CYP7B1: variants seen among roughly 807,000 people sequenced by gnomAD.
CYP7B1 encodes the protein cytochrome P450 7B1.
CYP7B1 carries 29 observed loss-of-function variants against 42.7 expected under a neutral mutation model. The ratio of observed to expected loss-of-function variants is 0.68; its 90% CI spans 0.51 to 0.93. The LOEUF (loss-of-function observed/expected upper bound fraction) is 0.93. Ranked by LOEUF, CYP7B1 falls within the 40% of genes least tolerant of loss-of-function variation. The pLI is 0.00. For synonymous variants in CYP7B1, 235 were observed against 218.2 expected, an observed-to-expected ratio of 1.08 and a Z score of -0.68; for missense variants, 655 against 600.5, an observed-to-expected ratio of 1.09 and a Z score of -0.95.
At chr8:64,673,001 G>C (rs1168840397) in intron 1 of CYP7B1, among the ~76,000 whole-genome samples, 1 of 152,034 alleles carries the variant, frequency 6.6e-6, no homozygotes, top group African/African-American at 2.4e-5. Flanking sequence ...GAATAGAGTA[G>C]TCATGTTCAA....
chr8:64,603,825 C>T (rs530116694), intron 5 of CYP7B1, among the ~76,000 whole-genome samples: 2 of 152,270 alleles, frequency 1.3e-5, no homozygotes, highest in South Asian at 2.1e-4. Flanking sequence ...TCAACAATAT[C>T]GTAATCCAGC....
chr8:64,691,491 G>GT (rs1554532300), intron 1 of CYP7B1, among the ~76,000 whole-genome samples: 1 of 148,634 alleles, frequency 6.7e-6, no homozygotes, highest in Non-Finnish European at 1.5e-5. Flanking sequence ...CTGGGGGGGG[G>GT]GGGTGGTGGT....
At position 64,596,609 on chromosome 8, in the gene CYP7B1, T is replaced by C; in HGVS notation, c.*33A>G. The C allele has an allele frequency of 2.5e-6, 4 of 1,576,836 alleles. No individual in the cohort carries two copies. The highest frequency in any genetic ancestry group is 2.6e-6 in the Non-Finnish European group (3 of 1,153,210). ...TGAGCTTAGGATGTTTAGGGTAATT[T>C]TGATAGATTTATTTTCTTTCCTTTT... On this transcript the variant is annotated 3_prime_UTR_variant, in exon 6 of 6. Transcript: ENST00000310193.
At chr8:64,681,189 C>T (rs1806531424) in intron 1 of CYP7B1, among the ~76,000 whole-genome samples, 1 of 152,178 alleles carries the variant, frequency 6.6e-6, no homozygotes, top group Non-Finnish European at 1.5e-5. Flanking sequence ...TTTCTCCCCC[C>T]TTTTGCACAT....
At chr8:64,776,166 G>A (rs901952040) in intron 1 of CYP7B1, among the ~76,000 whole-genome samples, 2 of 152,140 alleles carry the variant, frequency 1.3e-5, no homozygotes, top group South Asian at 2.1e-4. Context: ...TGCCATTGAT[G>A]CTTCTTTACT....
chr8:64,693,514 A>C (rs1806779776), intron 1 of CYP7B1, among the ~76,000 whole-genome samples: 1 of 152,218 alleles, frequency 6.6e-6, no homozygotes, highest in Admixed American at 6.5e-5. Context: ...GATTATACTT[A>C]AATGATCCTT....
chr8:64,768,342 T>C (rs957494440), intron 1 of CYP7B1, among the ~76,000 whole-genome samples: 2 of 151,654 alleles, frequency 1.3e-5, no homozygotes, highest in African/African-American at 4.8e-5. Context: ...GTTTTCACTC[T>C]ATTAAATCGT....
At chr8:64,651,133 T>G (rs982578500) in intron 1 of CYP7B1, among the ~76,000 whole-genome samples, 2 of 152,216 alleles carry the variant, frequency 1.3e-5, no homozygotes, top group African/African-American at 4.8e-5. Flanking sequence ...TTTTAGGGGT[T>G]GCTTAATGTT....
chr8:64,761,430 C>T (rs1002439416), intron 1 of CYP7B1, among the ~76,000 whole-genome samples: 3 of 152,076 alleles, frequency 2.0e-5, no homozygotes, highest in Admixed American at 6.5e-5. Context: ...ATATAAAACA[C>T]CATGTTAAAC....
At chr8:64,722,463 C>A (rs1287590915) in intron 1 of CYP7B1, among the ~76,000 whole-genome samples, 1 of 151,926 alleles carries the variant, frequency 6.6e-6, no homozygotes, top group Admixed American at 6.6e-5. Flanking sequence ...ATGATAAATA[C>A]CTTTCTAACT....
intron 1 of CYP7B1, among the ~76,000 whole-genome samples, chr8:64,793,605 C>T (rs1360306591): frequency 1.3e-5 from 2 of 151,994 alleles, no homozygotes; most frequent in East Asian, 1.9e-4. Context: ...AACTGCATTT[C>T]GTAACACATC....
rs774071933 is a variant in CYP7B1, at chr8:64,604,720, C to G, written c.1195G>C (p.Val399Leu). 9 of 1,614,118 alleles carry G rather than the reference C, an allele frequency of 5.6e-6. No homozygotes were observed. Among genetic ancestry groups the G allele is most frequent in the Non-Finnish European group, 7.6e-6 (9 of 1,180,032 alleles). Residue 399 changes from valine (V) to leucine (L), a missense_variant, in exon 5 of 6, where the codon GTC becomes CTC. Physicochemically the swap from Val to Leu is conservative, Grantham distance 32. Transcript: ENST00000310193. ...KGDLVAIFPP[V>L]LHGDPEIFEA... ...AAGATTTCAGGGTCACCATGTAGGACTGGAGGAAAGATGGCTACCAAGTCT... is the reference window on the plus strand; with the variant it reads ...AAGATTTCAGGGTCACCATGTAGGAGTGGAGGAAAGATGGCTACCAAGTCT...
chr8:64,678,992 T>G (rs1806494411), intron 1 of CYP7B1, among the ~76,000 whole-genome samples: 1 of 152,048 alleles, frequency 6.6e-6, no homozygotes, highest in South Asian at 2.1e-4. Flanking sequence ...AAGAATATAT[T>G]TGATTGCATA....
intron 1 of CYP7B1, among the ~76,000 whole-genome samples, chr8:64,758,779 G>A (rs918749226): frequency 9.9e-5 from 15 of 152,258 alleles, no homozygotes; most frequent in African/African-American, 3.6e-4. Context: ...GGATCAGATG[G>A]AATAATGCAT....
intron 1 of CYP7B1, among the ~76,000 whole-genome samples, chr8:64,795,697 T>A (rs1372786103): frequency 6.6e-6 from 1 of 152,222 alleles, no homozygotes; most frequent in African/African-American, 2.4e-5. Flanking sequence ...AGTCCATTAG[T>A]AAATTATGTT....
chr8:64,768,919 A>G (rs1175410228), intron 1 of CYP7B1, among the ~76,000 whole-genome samples: 1 of 152,212 alleles, frequency 6.6e-6, no homozygotes, highest in African/African-American at 2.4e-5. Flanking sequence ...CATAAACTGC[A>G]AACTCTATGA....
At chr8:64,612,527 A>G (rs1805377823) in intron 4 of CYP7B1, among the ~76,000 whole-genome samples, 1 of 152,166 alleles carries the variant, frequency 6.6e-6, no homozygotes, top group African/African-American at 2.4e-5. Flanking sequence ...CAAATCTATC[A>G]TAACCTCTTA....
At chr8:64,758,584 A>G (rs1342672657) in intron 1 of CYP7B1, among the ~76,000 whole-genome samples, 1 of 152,186 alleles carries the variant, frequency 6.6e-6, no homozygotes, top group Admixed American at 6.5e-5. Flanking sequence ...GCACCTAGCC[A>G]GATCTTTGGC....
At chr8:64,689,854 G>A (rs112990649) in intron 1 of CYP7B1, among the ~76,000 whole-genome samples, 6 of 152,084 alleles carry the variant, frequency 3.9e-5, no homozygotes, top group East Asian at 1.9e-4. Flanking sequence ...AGGCATGAGC[G>A]ACCACGCCCG....
Sources: gnomAD v4.1 joint callset for allele counts (sites outside exome capture counted in the v4.1 genomes callset) on GRCh38, gnomAD v4.1.1 for gene constraint, MANE v1.5 for transcripts, NCBI Gene and HGNC (gene_info 2026-07-23, HGNC 2026-07-21) for gene names.